VAT1L: variants seen among roughly 807,000 people sequenced by gnomAD.
VAT1L encodes the protein putative NADPH-dependent quinone oxidoreductase VAT1L.
A neutral mutation model predicts 44.1 loss-of-function variants in VAT1L; 34 were observed. The observed-to-expected ratio is 0.77, with a 90% CI of 0.59 to 1.03. VAT1L has a LOEUF of 1.03. Ranked by LOEUF, VAT1L falls within the 50% of genes least tolerant of loss-of-function variation. VAT1L has a pLI of 0.00. For synonymous variants in VAT1L, 253 were observed against 202.2 expected (o/e 1.25, Z -2.13); for missense variants, 615 against 538.8 (o/e 1.14, Z -1.40).
intron 7 of VAT1L, among the ~76,000 whole-genome samples, chr16:77,957,186 G>C (rs1195421099): frequency 2.0e-5 from 3 of 152,142 alleles, no homozygotes; most frequent in Non-Finnish European, 4.4e-5. Context: ...GTTTTGAAGG[G>C]TCTTTGGAAT....
intron 1 of VAT1L, among the ~76,000 whole-genome samples, chr16:77,811,796 C>A (rs2016270121): frequency 6.6e-6 from 1 of 152,132 alleles, no homozygotes; most frequent in Non-Finnish European, 1.5e-5. Context: ...AGTGTAGAGG[C>A]CAAGGCTAGC....
At chr16:77,920,310 G>C (rs2017598036) in intron 7 of VAT1L, among the ~76,000 whole-genome samples, 1 of 152,096 alleles carries the variant, frequency 6.6e-6, no homozygotes, top group South Asian at 2.1e-4. Context: ...AAAGGTGGAG[G>C]AAACTGATAG....
At chr16:77,894,458 C>T (rs1041901764) in intron 7 of VAT1L, among the ~76,000 whole-genome samples, 2 of 152,126 alleles carry the variant, frequency 1.3e-5, no homozygotes, top group African/African-American at 4.8e-5. Flanking sequence ...TCCCACCTGG[C>T]ACTGAACAGG....
intron 7 of VAT1L, among the ~76,000 whole-genome samples, chr16:77,931,187 ACTTT>A (rs2017727570): frequency 1.3e-5 from 2 of 152,200 alleles, no homozygotes; most frequent in African/African-American, 4.8e-5. Context: ...GTTTTAATAA[ACTTT>A]CTTTCATTGA....
chr16:77,854,100 C>T (rs1597067871), intron 3 of VAT1L, among the ~76,000 whole-genome samples: 1 of 151,856 alleles, frequency 6.6e-6, no homozygotes, highest in South Asian at 2.1e-4. Flanking sequence ...TGCACTCCAG[C>T]CTGGGCAACA....
chr16:77,843,924 G>C (rs903355161), intron 3 of VAT1L, among the ~76,000 whole-genome samples: 4 of 152,198 alleles, frequency 2.6e-5, no homozygotes, highest in Non-Finnish European at 4.4e-5. Flanking sequence ...GGGAGAGCAG[G>C]AGACAGGTGG....
At chr16:77,975,291 C>A (rs771942256) in intron 8 of VAT1L, among the ~76,000 whole-genome samples, 2 of 145,036 alleles carry the variant, frequency 1.4e-5, no homozygotes. Flanking sequence ...CTCACTGCAA[C>A]CTTCGCCTTC....
chr16:77,882,147 C>G (rs1327277628), intron 6 of VAT1L: 4 of 152,226 alleles, frequency 2.6e-5, no homozygotes, highest in African/African-American at 9.6e-5. Context: ...AAGAGAGGGC[C>G]TACGAAGAGG....
intron 7 of VAT1L, among the ~76,000 whole-genome samples, chr16:77,948,714 A>G (rs1288098532): frequency 6.6e-6 from 1 of 152,066 alleles, no homozygotes; most frequent in East Asian, 1.9e-4. Context: ...ACATAATATT[A>G]TTTCATCTGT....
At chr16:77,963,167 G>A (rs1041338966) in intron 7 of VAT1L, among the ~76,000 whole-genome samples, 9 of 152,124 alleles carry the variant, frequency 5.9e-5, no homozygotes, top group Non-Finnish European at 1.0e-4. Flanking sequence ...ATAATACCAC[G>A]CAAACGTGCC....
chr16:77,938,976 C>T (rs1184130963), intron 7 of VAT1L, among the ~76,000 whole-genome samples: 1 of 152,118 alleles, frequency 6.6e-6, no homozygotes, highest in African/African-American at 2.4e-5. Flanking sequence ...CCTGGATCTT[C>T]TGTCTACTCC....
intron 7 of VAT1L, among the ~76,000 whole-genome samples, chr16:77,916,065 G>A (rs758326201): frequency 3.9e-5 from 6 of 152,178 alleles, no homozygotes; most frequent in Non-Finnish European, 8.8e-5. Flanking sequence ...TAATTCCCTG[G>A]CACTTCTGGC....
chr16:77,892,711 C>A, intron 7 of VAT1L: 1 of 736,338 alleles, frequency 1.4e-6, no homozygotes, highest in South Asian at 1.4e-5. Context: ...GTCCTGGCAT[C>A]TGTTCCATGG....
chr16:77,847,297 T>C (rs940436324), intron 3 of VAT1L, among the ~76,000 whole-genome samples: 2 of 151,530 alleles, frequency 1.3e-5, no homozygotes, highest in African/African-American at 4.9e-5. Flanking sequence ...AACCACTAAA[T>C]AGTGGCCAAA....
At chr16:77,973,441 C>T (rs368294733) in intron 8 of VAT1L, among the ~76,000 whole-genome samples, 9 of 152,122 alleles carry the variant, frequency 5.9e-5, no homozygotes, top group African/African-American at 1.9e-4. Flanking sequence ...CCCACCACCA[C>T]ACCTGGTTAA....
At chr16:77,975,931 G>A (rs1302943955) in intron 8 of VAT1L, among the ~76,000 whole-genome samples, 4 of 152,076 alleles carry the variant, frequency 2.6e-5, no homozygotes, top group African/African-American at 7.2e-5. Context: ...ATCACCTCAG[G>A]GTCTCCCTTT....
intron 3 of VAT1L, among the ~76,000 whole-genome samples, chr16:77,857,696 A>T (rs1023962588): frequency 6.7e-6 from 1 of 150,230 alleles, no homozygotes; most frequent in Non-Finnish European, 1.5e-5. Context: ...TTATACATAT[A>T]CACATCATGG....
chr16:77,809,507 C>T (rs1301585933), intron 1 of VAT1L, among the ~76,000 whole-genome samples: 1 of 152,028 alleles, frequency 6.6e-6, no homozygotes, highest in Admixed American at 6.5e-5. Flanking sequence ...TCAAGTGGTC[C>T]TTTGCAACCC....
chr16:77,825,540 T>G (rs1040932086), intron 3 of VAT1L, 79 bp downstream of exon 3: 2 of 1,455,768 alleles, frequency 1.4e-6, no homozygotes, highest in East Asian at 2.5e-5. Flanking sequence ...AGGTCTTATG[T>G]GAGCTATGTC....
Sources: gnomAD v4.1 joint callset for allele counts (sites outside exome capture counted in the v4.1 genomes callset) on GRCh38, gnomAD v4.1.1 for gene constraint, MANE v1.5 for transcripts, NCBI Gene and HGNC (gene_info 2026-07-23, HGNC 2026-07-21) for gene names.